The following PALLD variants were observed in gnomAD, a reference collection of about 807,000 sequenced individuals.
PALLD encodes the protein palladin, cytoskeletal associated protein.
Under a neutral mutation model 123.5 loss-of-function variants are expected in PALLD, and 61 were observed. The ratio of observed to expected loss-of-function variants is 0.49; its 90% CI spans 0.40 to 0.61. The LOEUF (loss-of-function observed/expected upper bound fraction) is 0.61. Among genes scored for constraint, PALLD ranks in the 20% least tolerant of loss-of-function variants. The pLI, the probability that PALLD is intolerant of heterozygous loss-of-function variation, is 0.00. For missense variants in PALLD, 1,273 were observed against 1,377.0 expected, an observed-to-expected ratio of 0.92 and a Z score of 1.20; for synonymous variants, 465 against 496.4, an observed-to-expected ratio of 0.94 and a Z score of 0.84.
chr4:168,825,267 C>T (rs1020185849), intron 10 of PALLD, among the ~76,000 whole-genome samples: 2 of 152,164 alleles, frequency 1.3e-5, no homozygotes, highest in African/African-American at 4.8e-5. Flanking sequence ...TCCTTATTCT[C>T]TCTCTTCTCT....
intron 10 of PALLD, among the ~76,000 whole-genome samples, chr4:168,826,996 T>A (rs1472032373): frequency 1.3e-5 from 2 of 152,202 alleles, no homozygotes; most frequent in Admixed American, 1.3e-4. Flanking sequence ...TACCTCACTC[T>A]CATAAGCTCA....
chr4:168,724,136 A>G (rs1053321323), intron 10 of PALLD, among the ~76,000 whole-genome samples: 1 of 152,062 alleles, frequency 6.6e-6, no homozygotes, highest in African/African-American at 2.4e-5. Context: ...CTCGTGTTGA[A>G]TTGGGTTTTT....
chr4:168,879,672 C>T (rs548861314), intron 10 of PALLD, among the ~76,000 whole-genome samples: 1 of 152,316 alleles, frequency 6.6e-6, no homozygotes, highest in African/African-American at 2.4e-5. Context: ...TTGGGCACTT[C>T]CTAAATGTTG....
chr4:168,672,522 G>A (rs1415835684), intron 3 of PALLD, among the ~76,000 whole-genome samples: 10 of 151,648 alleles, frequency 6.6e-5, no homozygotes, highest in African/African-American at 9.7e-5. Context: ...GCAGTGGCGC[G>A]ATCTTGGCTC....
At chr4:168,677,762 C>G (rs1398281863) in intron 3 of PALLD, 1 of 152,262 alleles carries the variant, frequency 6.6e-6, no homozygotes, top group Non-Finnish European at 1.5e-5. Context: ...GAAAACTTCT[C>G]CTGGCCCATA....
intron 10 of PALLD, among the ~76,000 whole-genome samples, chr4:168,868,952 G>A (rs1304321864): frequency 1.3e-5 from 2 of 152,118 alleles, no homozygotes; most frequent in African/African-American, 2.4e-5. Context: ...AACTTATTGC[G>A]TTTTTGACTG....
At chr4:168,555,709 C>A (rs922315690) in intron 2 of PALLD, among the ~76,000 whole-genome samples, 13 of 152,266 alleles carry the variant, frequency 8.5e-5, no homozygotes, top group Middle Eastern at 6.8e-3. Context: ...ATAGACTTGC[C>A]AAGCATAACA....
intron 2 of PALLD, among the ~76,000 whole-genome samples, chr4:168,606,708 T>C (rs1029474577): frequency 2.0e-5 from 3 of 151,398 alleles, no homozygotes; most frequent in African/African-American, 7.3e-5. Flanking sequence ...CAGAGTCAGT[T>C]TCCTCATATA....
chr4:168,704,893 T>C (rs1784082063), intron 8 of PALLD, among the ~76,000 whole-genome samples: 1 of 152,016 alleles, frequency 6.6e-6, no homozygotes, highest in Non-Finnish European at 1.5e-5. Context: ...TATAGGATCA[T>C]TATAGTAGAT....
intron 3 of PALLD, among the ~76,000 whole-genome samples, chr4:168,675,180 T>C (rs1780702812): frequency 6.6e-6 from 1 of 152,186 alleles, no homozygotes; most frequent in Non-Finnish European, 1.5e-5. Context: ...GGCAAGATGG[T>C]GGCCCTGAAA....
intron 10 of PALLD, among the ~76,000 whole-genome samples, chr4:168,815,037 C>T (rs929652100): frequency 6.6e-6 from 1 of 152,196 alleles, no homozygotes; most frequent in Non-Finnish European, 1.5e-5. Flanking sequence ...TCCCAAAGCG[C>T]TGGGATTATA....
At chr4:168,900,416 T>C (rs1196206927) in intron 14 of PALLD, among the ~76,000 whole-genome samples, 1 of 151,996 alleles carries the variant, frequency 6.6e-6, no homozygotes, top group Non-Finnish European at 1.5e-5. Flanking sequence ...GAATGGAAAC[T>C]ATAATGAAAG....
chr4:168,599,258 G>A (rs1452160333), intron 2 of PALLD, among the ~76,000 whole-genome samples: 1 of 152,126 alleles, frequency 6.6e-6, no homozygotes, highest in African/African-American at 2.4e-5. Context: ...CTCATGCAGG[G>A]CCTTGGAAGA....
chr4:168,824,039 T>C (rs1247673007), intron 10 of PALLD, among the ~76,000 whole-genome samples: 2 of 152,218 alleles, frequency 1.3e-5, no homozygotes, highest in Admixed American at 1.3e-4. Context: ...TTGCCACCTA[T>C]AAGCTAATGA....
intron 10 of PALLD, among the ~76,000 whole-genome samples, chr4:168,811,021 T>C (rs1741035488): frequency 6.6e-6 from 1 of 152,108 alleles, no homozygotes; most frequent in South Asian, 2.1e-4. Flanking sequence ...ACAGGTAAGC[T>C]GACGGAGATC....
chr4:168,638,410 A>C (rs532475446), intron 2 of PALLD, among the ~76,000 whole-genome samples: 1 of 152,268 alleles, frequency 6.6e-6, no homozygotes. Flanking sequence ...TTCAAGTTGC[A>C]GTTGATCTCC....
chr4:168,776,947 T>G (rs1735242814), intron 10 of PALLD, among the ~76,000 whole-genome samples: 2 of 152,248 alleles, frequency 1.3e-5, no homozygotes, highest in South Asian at 4.1e-4. Context: ...TGGCTTGTTA[T>G]ATTTAGTCTC....
At chr4:168,598,634 G>T in intron 2 of PALLD, 2 of 322,442 alleles carry the variant, frequency 6.2e-6, no homozygotes, top group Non-Finnish European at 1.3e-5. Flanking sequence ...ATTATTCACA[G>T]CCAGTTTAGT....
intron 2 of PALLD, among the ~76,000 whole-genome samples, chr4:168,535,956 C>G (rs10009813): frequency 0.42 from 63,466 of 152,022 alleles, 14,361 homozygotes; most frequent in African/African-American, 0.6. Flanking sequence ...TTTACAAGAA[C>G]ACTTAAAGAA....
Sources: allele counts gnomAD v4.1 joint callset (sites outside exome capture counted in the v4.1 genomes callset), GRCh38; gene constraint gnomAD v4.1.1; transcripts MANE v1.5; gene names NCBI Gene and HGNC (gene_info 2026-07-23, HGNC 2026-07-21).